The following TATDN3 variants were observed in gnomAD, a reference collection of about 807,000 sequenced individuals.
TATDN3 encodes deoxyribonuclease TATDN3.
Under a neutral mutation model 40.1 loss-of-function variants are expected in TATDN3, and 29 were observed. The observed-to-expected ratio is 0.72, with a 90% CI of 0.54 to 0.99. The LOEUF (loss-of-function observed/expected upper bound fraction) is 0.99, where lower values mean the gene tolerates loss of function less well. Ranked by LOEUF, TATDN3 falls within the 50% of genes least tolerant of loss-of-function variation. TATDN3 has a pLI of 0.00. For synonymous variants in TATDN3, 105 were observed against 117.0 expected (o/e 0.90, Z 0.66); for missense variants, 309 against 321.9 (o/e 0.96, Z 0.31).
intron 8 of TATDN3, among the ~76,000 whole-genome samples, chr1:212,809,978 C>T (rs184065939): frequency 2.6e-5 from 4 of 152,106 alleles, no homozygotes; most frequent in East Asian, 3.9e-4. Flanking sequence ...GAGCTGAGAT[C>T]GCGCTTCTGC....
chr1:212,810,376 G>A (rs928237565), intron 8 of TATDN3, among the ~76,000 whole-genome samples: 12 of 151,900 alleles, frequency 7.9e-5, no homozygotes, highest in Non-Finnish European at 1.2e-4. Context: ...GCCGGGCATG[G>A]TGGTGGGCGC....
At chr1:212,809,191 AT>A (rs1425019390) in intron 8 of TATDN3, among the ~76,000 whole-genome samples, 3 of 152,192 alleles carry the variant, frequency 2.0e-5, no homozygotes, top group African/African-American at 7.2e-5. Flanking sequence ...CACAATATAG[AT>A]TAGTGGTTTC....
rs1388565150 is a variant in TATDN3, at chr1:212,791,951, CTG to C, written c.32_33del (p.Cys11SerfsTer10). The C allele has an allele frequency of 5.0e-6, 8 of 1,613,968 alleles. 1 individual carries two copies. The South Asian group carries it at 8.8e-5, about 18-fold the overall frequency. The part of the protein sequence containing the change: MRAAGVGLVD[C>X]HCHLSAPDFD... ...GAGCGGCTGGCGTAGGCTTGGTGGA[CTG>C]TCACTGCCACCTCTCCGCCCCGGAC... On this transcript the variant is annotated frameshift_variant, in exon 1 of 10. Transcript: ENST00000366974. LOFTEE classifies it high-confidence loss of function.
chr1:212,810,238 G>A (rs1423723196), intron 8 of TATDN3, among the ~76,000 whole-genome samples: 2 of 151,578 alleles, frequency 1.3e-5, no homozygotes, highest in Non-Finnish European at 1.5e-5. Flanking sequence ...GGCAGGGCGC[G>A]GTGGCTCACG....
chr1:212,814,636 T>C (rs913832210), intron 9 of TATDN3, among the ~76,000 whole-genome samples: 17 of 152,224 alleles, frequency 1.1e-4, no homozygotes, highest in African/African-American at 4.1e-4. Flanking sequence ...CAAACTGTCA[T>C]GTAGCCTGTG....
At chr1:212,794,338 C>A (rs1661584555) in intron 1 of TATDN3, among the ~76,000 whole-genome samples, 1 of 151,478 alleles carries the variant, frequency 6.6e-6, no homozygotes, top group Non-Finnish European at 1.5e-5. Flanking sequence ...CACCTGTAGT[C>A]CCAGCACTTT....
chr1:212,804,277 C>T lies in TATDN3; in HGVS notation c.322-43C>T, dbSNP rs543724837. 283 of 1,433,160 alleles carry T rather than the reference C, an allele frequency of 2.0e-4. 2 individuals carry two copies. In the South Asian group the frequency reaches 3.3e-3, roughly 16 times the overall value. The allele number at this position is 1,433,160 out of a possible 1,614,324, so 88.8% of individuals were successfully genotyped here. On this transcript the variant is annotated intron_variant, in intron 5 of 9. Coordinates refer to ENST00000366974, the MANE Select transcript of TATDN3 (RefSeq NM_001042552.3). ...CAATCCAAAGATCTCTTTTGAGGTT[C>T]CTTAAACCTAAATATGTAATATCTT...
chr1:212,810,271 A>G (rs1321475418), intron 8 of TATDN3, among the ~76,000 whole-genome samples: 1 of 152,000 alleles, frequency 6.6e-6, no homozygotes, highest in African/African-American at 2.4e-5. Context: ...GCACTTTGGG[A>G]GGCCAAGGCG....
At chr1:212,807,668 A>T in intron 7 of TATDN3, 68 bp from the exon 8 acceptor site, 1 of 1,248,142 alleles carries the variant, frequency 8.0e-7, no homozygotes, top group Non-Finnish European at 1.1e-6. Flanking sequence ...AAAATTTCAG[A>T]CTTCTGTTAT....
chr1:212,801,494 G>T (rs1662175344), intron 4 of TATDN3, among the ~76,000 whole-genome samples: 1 of 152,036 alleles, frequency 6.6e-6, no homozygotes, highest in Non-Finnish European at 1.5e-5. Context: ...AATCTGTTTT[G>T]CTTTTTCATA....
intron 1 of TATDN3, among the ~76,000 whole-genome samples, chr1:212,792,403 G>A (rs1315983772): frequency 6.6e-6 from 1 of 151,684 alleles, no homozygotes; most frequent in Admixed American, 6.6e-5. Flanking sequence ...AGGCCGAGGC[G>A]GGCGCTGCGC....
intron 9 of TATDN3, 119 bp downstream of exon 9, chr1:212,812,447 T>C (rs1571976870): frequency 1.7e-6 from 1 of 597,300 alleles, no homozygotes; most frequent in Non-Finnish European, 2.9e-6. Flanking sequence ...TACTGCCAGA[T>C]TGAGGGCTTA....
At chr1:212,802,641 G>A (rs2102452347) in intron 4 of TATDN3, 60 bp from the exon 5 acceptor site, 1 of 1,147,522 alleles carries the variant, frequency 8.7e-7, no homozygotes, top group South Asian at 1.2e-5. Context: ...CACATAATAG[G>A]AGCTTGTGAA....
chr1:212,806,787 C>T lies in TATDN3; in HGVS notation c.488-949C>T, dbSNP rs867304241. On this transcript the variant is annotated intron_variant, in intron 7 of 9. Coordinates refer to ENST00000366974, the MANE Select transcript of TATDN3 (RefSeq NM_001042552.3). Reference sequence around the variant, plus strand: ...ATATATATATATATATATATATACACACACACACACACATATATACACATA... The same window carrying T: ...ATATATATATATATATATATATACATACACACACACACATATATACACATA... Among the ~76,000 whole-genome samples, 698 of 85,106 alleles carry T rather than the reference C, an allele frequency of 8.2e-3. 31 individuals are homozygous for T. The highest frequency in any genetic ancestry group is 0.013 in the Non-Finnish European group (495 of 38,340). 55.8% of individuals were successfully genotyped at this position (85,106 alleles called of 152,430 possible).
chr1:212,793,666 A>G (rs1442163145), intron 1 of TATDN3, among the ~76,000 whole-genome samples: 4 of 152,234 alleles, frequency 2.6e-5, no homozygotes, highest in African/African-American at 4.8e-5. Flanking sequence ...AGATGAATAC[A>G]TGGATTCAAG....
intron 5 of TATDN3, among the ~76,000 whole-genome samples, 195 bp from the exon 6 acceptor site, chr1:212,804,125 G>T (rs1345346539): frequency 6.6e-6 from 1 of 151,978 alleles, no homozygotes; most frequent in Non-Finnish European, 1.5e-5. Context: ...GGATATATTG[G>T]GTTAAAGTAT....
At chr1:212,796,737 T>C in intron 3 of TATDN3, 147 bp downstream of exon 3, 2 of 570,752 alleles carry the variant, frequency 3.5e-6, no homozygotes, top group Non-Finnish European at 5.7e-6. Context: ...TTCTACTTAT[T>C]CCTTTTTTTT....
chr1:212,809,907 C>A (rs1028851697), intron 8 of TATDN3, among the ~76,000 whole-genome samples: 2 of 151,720 alleles, frequency 1.3e-5, no homozygotes, highest in Admixed American at 6.6e-5. Context: ...GCCTATAATC[C>A]CAGCTACTCA....
At chr1:212,795,151 C>G (rs374445970) in intron 2 of TATDN3, 24 bp downstream of exon 2, 4 of 1,601,684 alleles carry the variant, frequency 2.5e-6, no homozygotes, top group Non-Finnish European at 3.4e-6. Flanking sequence ...TGTAATTGCT[C>G]TTTTGGTTTT....
Sources: gnomAD v4.1 joint callset for allele counts (sites outside exome capture counted in the v4.1 genomes callset) on GRCh38, gnomAD v4.1.1 for gene constraint, MANE v1.5 for transcripts, NCBI Gene and HGNC (gene_info 2026-07-23, HGNC 2026-07-21) for gene names.